PPIL6: variants seen among roughly 807,000 people sequenced by gnomAD.
PPIL6 encodes probable inactive peptidyl-prolyl cis-trans isomerase-like 6.
Under a neutral mutation model 36.8 loss-of-function variants are expected in PPIL6, and 39 were observed. The observed-to-expected ratio is 1.06, with a 90% CI of 0.82 to 1.38. The LOEUF (loss-of-function observed/expected upper bound fraction) is 1.38. Ranked by LOEUF, PPIL6 falls within the 40% of genes most tolerant of loss-of-function variation. The pLI, the probability that PPIL6 is intolerant of heterozygous loss-of-function variation, is 0.00. For synonymous variants in PPIL6, 123 were observed against 134.1 expected (o/e 0.92, Z 0.57); for missense variants, 368 against 379.1 (o/e 0.97, Z 0.24).
rs541792818 is a variant in PPIL6 at position 109,421,118 on chromosome 6, G to A, written c.632-1875C>T. On this transcript the variant is annotated intron_variant, in intron 5 of 7. Transcript: ENST00000521072. ...TTCTCCCCTGCCAACTTACCTACCC[G>A]TTGGTCACATTCCCTTGCCCCCTCC... Among the ~76,000 whole-genome samples, 321 of 152,228 alleles carry A rather than the reference G, an allele frequency of 2.1e-3. 1 individual carries two copies. Among genetic ancestry groups the A allele is most frequent in the South Asian group, 3.9e-3 (19 of 4,822 alleles).
At position 109,391,312 on chromosome 6, in the gene PPIL6, A is replaced by G. The variant is rs1409805251; in HGVS notation, c.*1514T>C. ...CAAAAAAAAAAAAAAAAAAAAAAAA[A>G]AAAAGAAAAGCACTCTTAGTCTGGG... On this transcript the variant is annotated 3_prime_UTR_variant, in exon 8 of 8. Transcript: ENST00000521072. 5 of 148,738 alleles carry G rather than the reference A, an allele frequency of 3.4e-5. No individual in the cohort carries two copies. In the South Asian group the frequency reaches 8.3e-4, roughly 25 times the overall value. The allele number at this position is 148,738 out of a possible 1,614,324, so 9.2% of individuals were successfully genotyped here.
At position 109,413,296 on chromosome 6, in the gene PPIL6, G is replaced by T. The variant is rs1280628790; in HGVS notation, c.688+5891C>A. ...ACCTAATAATCAGATTATAAAATGG[G>T]CAAAAGATTTGAACAGACATTTCTC... is the stretch of plus-strand genomic sequence containing the variant. On this transcript the variant is annotated intron_variant, in intron 6 of 7. Coordinates refer to ENST00000521072, the MANE Select transcript of PPIL6 (RefSeq NM_173672.5). This position sits in a 1 kb window ranked among gnomAD's most constrained non-coding sequence, Gnocchi z 4.6. 6.6e-6 allele frequency among the ~76,000 whole-genome samples: 1 copy of T among 152,154 alleles called. No homozygotes were observed. Among genetic ancestry groups the T allele is most frequent in the Admixed American group, 6.5e-5 (1 of 15,276 alleles).
chr6:109,408,859 A>T (rs1037234233), intron 6 of PPIL6, among the ~76,000 whole-genome samples: 10 of 152,226 alleles, frequency 6.6e-5, no homozygotes, highest in Middle Eastern at 3.4e-3. Context: ...ATACTTCTAA[A>T]CTCATTTTAC....
intron 5 of PPIL6, among the ~76,000 whole-genome samples, chr6:109,424,683 A>C (rs1204785847): frequency 6.6e-6 from 1 of 152,226 alleles, no homozygotes; most frequent in Non-Finnish European, 1.5e-5. Context: ...GACCTTGCTG[A>C]TAAAACAGGC....
intron 6 of PPIL6, among the ~76,000 whole-genome samples, chr6:109,415,729 T>C (rs976843161): frequency 8.5e-5 from 13 of 152,310 alleles, no homozygotes; most frequent in African/African-American, 2.9e-4. Flanking sequence ...GTTCTTTCTA[T>C]TGGGGTTCTC....
chr6:109,422,897 G>A (rs539845618), intron 5 of PPIL6, among the ~76,000 whole-genome samples: 7 of 152,216 alleles, frequency 4.6e-5, no homozygotes, highest in South Asian at 2.1e-4. Flanking sequence ...ACTTATCAGC[G>A]GCTCATTCTT....
At chr6:109,425,850 T>C (rs1019192666) in intron 5 of PPIL6, among the ~76,000 whole-genome samples, 2 of 151,572 alleles carry the variant, frequency 1.3e-5, no homozygotes, top group African/African-American at 4.8e-5. Flanking sequence ...ACAGGACCCC[T>C]TGAGAAATGT....
chr6:109,408,126 T>G (rs1475559000), intron 6 of PPIL6, among the ~76,000 whole-genome samples: 1 of 152,244 alleles, frequency 6.6e-6, no homozygotes, highest in South Asian at 2.1e-4. Flanking sequence ...AAGTCTTGCA[T>G]GTTGATAAAC....
intron 5 of PPIL6, 38 bp downstream of exon 5, chr6:109,426,809 A>T (rs768653064): frequency 8.0e-6 from 11 of 1,373,512 alleles, no homozygotes; most frequent in Non-Finnish European, 9.9e-6. Context: ...TTCTCATTTG[A>T]TATTGCAATT....
rs887622017 is a variant in PPIL6 at position 109,390,794 on chromosome 6, G to A, written c.*2032C>T. 2 of 152,148 alleles carry A rather than the reference G, an allele frequency of 1.3e-5. No homozygotes were observed. Among genetic ancestry groups the A allele is most frequent in the African/African-American group, 4.8e-5 (2 of 41,438 alleles). The allele number at this position is 152,148 out of a possible 1,614,324, so 9.4% of individuals were successfully genotyped here. A position where few individuals can be genotyped will look rare whatever the true frequency, so the allele number is the denominator to read the frequency against. On this transcript the variant is annotated 3_prime_UTR_variant, in exon 8 of 8. Transcript: ENST00000521072. The stretch of plus-strand genomic sequence containing the variant: ...TACCGTTTTGTAAGCGTAGCCACTG[G>A]GGAAAATGGGTGAAAGGTACACAGG...
At chr6:109,431,389 G>A (rs1446036162) in intron 2 of PPIL6, 44 bp from the exon 3 acceptor site, 1 of 1,440,132 alleles carries the variant, frequency 6.9e-7, no homozygotes, top group Admixed American at 2.1e-5. Context: ...GTAAGAAGTG[G>A]GGGGAAAACT....
chr6:109,393,314 T>TGAAG, intron 7 of PPIL6, among the ~76,000 whole-genome samples: 2 of 151,982 alleles, frequency 1.3e-5, no homozygotes, highest in Non-Finnish European at 2.9e-5. Context: ...ACCTCCTGGC[T>TGAAG]TAAGTGATCC....
intron 6 of PPIL6, among the ~76,000 whole-genome samples, chr6:109,402,589 G>A (rs573426887): frequency 3.5e-4 from 54 of 152,128 alleles, no homozygotes; most frequent in Non-Finnish European, 6.2e-4. Context: ...CATTTATTTA[G>A]GACAGCATGG....
intron 7 of PPIL6, among the ~76,000 whole-genome samples, chr6:109,395,603 ACTT>A (rs200636080): frequency 2.6e-5 from 3 of 117,568 alleles, no homozygotes; most frequent in South Asian, 6.6e-4. Context: ...CCCGACTCTA[ACTT>A]CTTTTTTTTT....
upstream of PPIL6, chr6:109,440,940 C>G (rs568794743): frequency 8.1e-4 from 492 of 609,722 alleles, 1 homozygote; most frequent in Admixed American, 2.2e-3. Context: ...AACAGCCGGC[C>G]GGTTGCCGGG....
intron 5 of PPIL6, among the ~76,000 whole-genome samples, chr6:109,424,290 C>T (rs375379665): frequency 2.0e-5 from 3 of 152,242 alleles, no homozygotes; most frequent in South Asian, 2.1e-4. Flanking sequence ...GCAAAATAAA[C>T]GAGGCCTCAG....
intron 6 of PPIL6, among the ~76,000 whole-genome samples, chr6:109,406,716 T>G (rs555062688): frequency 2.0e-4 from 31 of 152,310 alleles, no homozygotes; most frequent in South Asian, 4.1e-4. Context: ...TACATACCAC[T>G]TTTCATGATA....
At position 109,392,746 on chromosome 6, in the gene PPIL6, C is replaced by G; in HGVS notation, c.*80G>C. On this transcript the variant is annotated 3_prime_UTR_variant, in exon 8 of 8. Coordinates refer to ENST00000521072, the MANE Select transcript of PPIL6 (RefSeq NM_173672.5). ...CCACGGCTTTCAAATTACAATTTAT[C>G]AAGTACTTTTTAATTAAATCCACAA... is the stretch of plus-strand genomic sequence containing the variant. 1.1e-6 allele frequency: 1 copy of G among 883,878 alleles called. No homozygotes were observed. The highest frequency in any genetic ancestry group is 1.7e-5 in the South Asian group (1 of 60,038). 54.8% of individuals were successfully genotyped at this position (883,878 alleles called of 1,614,324 possible).
At chr6:109,407,395 G>A (rs908200114) in intron 6 of PPIL6, among the ~76,000 whole-genome samples, 42 of 151,988 alleles carry the variant, frequency 2.8e-4, no homozygotes, top group Middle Eastern at 3.4e-3. Context: ...GCCCGCCACC[G>A]CGCCTGGCTA....
Sources: gnomAD v4.1 joint callset for allele counts (sites outside exome capture counted in the v4.1 genomes callset) on GRCh38, gnomAD v4.1.1 for gene constraint, Gnocchi (gnomAD v3.1) non-coding constraint, MANE v1.5 for transcripts, NCBI Gene and HGNC (gene_info 2026-07-23, HGNC 2026-07-21) for gene names.